Variants in MLIP observed in about 807,000 individuals in gnomAD.
The protein encoded by MLIP is muscular LMNA interacting protein, also known as muscular LMNA-interacting protein.
In MLIP, 79 loss-of-function variants were observed where a neutral mutation model predicts 84.8. The ratio of observed to expected loss-of-function variants is 0.93; its 90% CI spans 0.78 to 1.12. The LOEUF is 1.12. Ranked by LOEUF, MLIP falls within the 50% of genes most tolerant of loss-of-function variation. The pLI is 0.00. For synonymous variants in MLIP, 504 were observed against 463.0 expected (o/e 1.09, Z -1.14); for missense variants, 1,257 against 1,160.6 (o/e 1.08, Z -1.21).
At chr6:54,023,925 C>G (rs1490930941) in intron 1 of MLIP, among the ~76,000 whole-genome samples, 1 of 152,142 alleles carries the variant, frequency 6.6e-6, no homozygotes, top group African/African-American at 2.4e-5. Flanking sequence ...AACAAACAAA[C>G]AAACTGTTGT....
chr6:54,141,346 G>A (rs554820326), intron 4 of MLIP, among the ~76,000 whole-genome samples: 17 of 126,684 alleles, frequency 1.3e-4, no homozygotes, highest in South Asian at 4.8e-4. Context: ...CCACTGTGTC[G>A]CCCAGGCTGC....
chr6:54,195,170 A>G (rs1202588943), intron 10 of MLIP, among the ~76,000 whole-genome samples: 8 of 152,090 alleles, frequency 5.3e-5, no homozygotes, highest in Admixed American at 5.2e-4. Flanking sequence ...TGGGTCAAAA[A>G]CAACCATGGC....
intron 3 of MLIP, among the ~76,000 whole-genome samples, chr6:54,127,735 C>T (rs1771044162): frequency 6.6e-6 from 1 of 152,054 alleles, no homozygotes; most frequent in South Asian, 2.1e-4. Context: ...GATAAACTCC[C>T]CAAGTGCTTC....
intron 1 of MLIP, among the ~76,000 whole-genome samples, chr6:54,025,633 G>C (rs1006600414): frequency 6.6e-6 from 1 of 152,214 alleles, no homozygotes; most frequent in East Asian, 1.9e-4. Context: ...AATGACTCTT[G>C]CTGTGTTTTG....
intron 1 of MLIP, among the ~76,000 whole-genome samples, chr6:54,027,227 C>A (rs567537646): frequency 6.6e-6 from 1 of 152,102 alleles, no homozygotes; most frequent in South Asian, 2.1e-4. Context: ...GGAATTGGAT[C>A]ATGGGTAAAT....
chr6:54,038,020 T>G (rs1187695083), intron 1 of MLIP, among the ~76,000 whole-genome samples: 1 of 151,910 alleles, frequency 6.6e-6, no homozygotes, highest in African/African-American at 2.4e-5. Flanking sequence ...AAAATATTTA[T>G]TCACACCTCA....
chr6:54,257,426 T>C, intron 13 of MLIP, 65 bp downstream of exon 13: 1 of 1,254,102 alleles, frequency 8.0e-7, no homozygotes, highest in Non-Finnish European at 1.1e-6. Flanking sequence ...AATAAACCAA[T>C]CTTATTTTTT....
intron 4 of MLIP, among the ~76,000 whole-genome samples, chr6:54,141,139 A>C (rs538713625): frequency 2.6e-5 from 4 of 152,298 alleles, no homozygotes; most frequent in Admixed American, 2.6e-4. Flanking sequence ...ATTCAGATAT[A>C]AAGTGTGTTT....
chr6:54,176,700 A>C (rs147920172), intron 9 of MLIP, among the ~76,000 whole-genome samples: 6 of 152,206 alleles, frequency 3.9e-5, no homozygotes, highest in Middle Eastern at 3.4e-3. Context: ...AGAAAAAAAA[A>C]CGTAAAAGTT....
intron 4 of MLIP, among the ~76,000 whole-genome samples, chr6:54,144,515 G>A (rs1310757890): frequency 6.6e-6 from 1 of 152,192 alleles, no homozygotes; most frequent in East Asian, 1.9e-4. Flanking sequence ...AGATCATCAA[G>A]CATTAGATTC....
intron 11 of MLIP, among the ~76,000 whole-genome samples, chr6:54,209,562 TCAAAGTTGGTGTTTCTTTA>T (rs1779272433): frequency 6.6e-6 from 1 of 152,210 alleles, no homozygotes; most frequent in Non-Finnish European, 1.5e-5. Context: ...GTTTGTAAGT[TCAAAGTTGGTGTTTCTTTA>T]GGGATGGGAT....
rs542854709 is a variant in MLIP, at chr6:54,216,248, T to C, written c.2718+14015T>C. ...TTCCTGCTAAAGGGTCAACTGAATA[T>C]ATTGTCTTCTTTCTCTCTTCCATTA... On this transcript the variant is annotated intron_variant, in intron 11 of 13. Transcript: ENST00000502396. 6 of 985,390 alleles carry C rather than the reference T, an allele frequency of 6.1e-6. No homozygotes were observed. In the South Asian group the frequency reaches 2.8e-4, roughly 46 times the overall value. The allele number at this position is 985,390 out of a possible 1,614,324, so 61.0% of individuals were successfully genotyped here.
intron 9 of MLIP, among the ~76,000 whole-genome samples, chr6:54,170,906 C>T (rs1562011336): frequency 6.6e-6 from 1 of 151,368 alleles, no homozygotes; most frequent in African/African-American, 2.4e-5. Flanking sequence ...TTAGTGGGTA[C>T]AAGAAAAGAA....
In MLIP at chr6:54,252,957, C is replaced by T. The variant is rs143712586; in HGVS notation, c.2923-4351C>T. The stretch of plus-strand genomic sequence containing the variant: ...ATTCAGTTCATACTTCCTAAGGCCT[C>T]ACTAACTCAGAATTCTTTAATTTTA... On this transcript the variant is annotated intron_variant, in intron 12 of 13. Coordinates refer to ENST00000502396, the MANE Select transcript of MLIP (RefSeq NM_001281747.2). Among the ~76,000 whole-genome samples the T allele has an allele frequency of 3.7e-3, 558 of 152,202 alleles. 2 individuals are homozygous for T. The highest frequency in any genetic ancestry group is 0.013 in the African/African-American group (524 of 41,520).
At chr6:54,150,030 C>T (rs1029548197) in intron 5 of MLIP, among the ~76,000 whole-genome samples, 1 of 152,094 alleles carries the variant, frequency 6.6e-6, no homozygotes, top group Non-Finnish European at 1.5e-5. Flanking sequence ...CAAAGACTAT[C>T]ATTTATCAAA....
At chr6:54,153,624 G>A (rs1165478481) in intron 5 of MLIP, among the ~76,000 whole-genome samples, 1 of 152,004 alleles carries the variant, frequency 6.6e-6, no homozygotes, top group Non-Finnish European at 1.5e-5. Context: ...GAGGAGGGTG[G>A]ATCACCTGAG....
intron 1 of MLIP, among the ~76,000 whole-genome samples, chr6:54,105,694 A>G (rs1768960477): frequency 1.3e-5 from 2 of 152,260 alleles, no homozygotes; most frequent in East Asian, 3.9e-4. Flanking sequence ...TGGGATTGCA[A>G]TTTTATATAA....
chr6:54,264,077 G>C (rs1234434920), intron 13 of MLIP, among the ~76,000 whole-genome samples: 1 of 151,968 alleles, frequency 6.6e-6, no homozygotes, highest in Non-Finnish European at 1.5e-5. Context: ...CTAAATTGTG[G>C]GGCCAAACAT....
At chr6:54,027,937 T>C (rs138945434) in intron 1 of MLIP, among the ~76,000 whole-genome samples, 1 of 152,298 alleles carries the variant, frequency 6.6e-6, no homozygotes, top group African/African-American at 2.4e-5. Flanking sequence ...ATATATAGCA[T>C]ACTGTACGTG....
Sources: gnomAD v4.1 joint callset for allele counts (sites outside exome capture counted in the v4.1 genomes callset) on GRCh38, gnomAD v4.1.1 for gene constraint, MANE v1.5 for transcripts, NCBI Gene and HGNC (gene_info 2026-07-23, HGNC 2026-07-21) for gene names.